Variants in RAI14 observed in about 807,000 individuals in gnomAD.
RAI14 encodes ankycorbin.
In RAI14, 45 loss-of-function variants were observed where a neutral mutation model predicts 115.4. The ratio of observed to expected loss-of-function variants is 0.39; its 90% CI spans 0.31 to 0.50. The LOEUF is 0.50. RAI14 is among the 20% of genes least tolerant of loss of function. The pLI is 0.85. For missense variants in RAI14, 939 were observed against 1,131.2 expected, an observed-to-expected ratio of 0.83 and a Z score of 2.44; for synonymous variants, 371 against 415.4, an observed-to-expected ratio of 0.89 and a Z score of 1.30.
At chr5:34,693,105 AT>A (rs1237523090) in intron 2 of RAI14, among the ~76,000 whole-genome samples, 1 of 152,094 alleles carries the variant, frequency 6.6e-6, no homozygotes, top group Non-Finnish European at 1.5e-5. Flanking sequence ...CTCATACTGG[AT>A]TAGGGCTCGC....
intron 4 of RAI14, among the ~76,000 whole-genome samples, chr5:34,803,022 T>G (rs550981676): frequency 6.6e-6 from 1 of 152,318 alleles, no homozygotes; most frequent in South Asian, 2.1e-4. Flanking sequence ...CTTCACTGGA[T>G]TCCTCAGCCT....
intron 2 of RAI14, among the ~76,000 whole-genome samples, chr5:34,734,226 A>G (rs1361301034): frequency 6.6e-6 from 1 of 152,120 alleles, no homozygotes; most frequent in East Asian, 1.9e-4. Context: ...GTTGGTGGGC[A>G]GGGGGTGGGG....
chr5:34,730,970 G>A (rs1280467621), intron 2 of RAI14, among the ~76,000 whole-genome samples: 1 of 152,158 alleles, frequency 6.6e-6, no homozygotes, highest in Non-Finnish European at 1.5e-5. Context: ...GGCAACAAGA[G>A]TGAAACTCCA....
chr5:34,752,361 C>T (rs1441523151), intron 2 of RAI14, among the ~76,000 whole-genome samples: 1 of 152,078 alleles, frequency 6.6e-6, no homozygotes, highest in African/African-American at 2.4e-5. Context: ...TACTGAGCAC[C>T]ATGGGGGTAA....
rs1430582100 is a variant in RAI14 at position 34,656,484 on chromosome 5, G to A, written c.-49+9G>A. ...GCCGCCGCCTCGATGGGGTGAGTGCGCGGCACGGAGTTGGGAGGCTCCCGG... is the reference window on the plus strand; with the variant it reads ...GCCGCCGCCTCGATGGGGTGAGTGCACGGCACGGAGTTGGGAGGCTCCCGG... On this transcript the variant is annotated intron_variant, in intron 1 of 17. Transcript: ENST00000265109. 6.6e-6 allele frequency: 1 copy of A among 152,174 alleles called. No individual in the cohort carries two copies. Among genetic ancestry groups the A allele is most frequent in the African/African-American group, 2.4e-5 (1 of 41,426 alleles). 9.4% of individuals were successfully genotyped at this position (152,174 alleles called of 1,614,324 possible). A position where few individuals can be genotyped will look rare whatever the true frequency, so the allele number is the denominator to read the frequency against.
intron 2 of RAI14, among the ~76,000 whole-genome samples, chr5:34,692,842 C>T (rs1157091925): frequency 2.0e-5 from 3 of 152,116 alleles, no homozygotes; most frequent in Admixed American, 2.0e-4. Context: ...AACCAGGTGG[C>T]TGAAACTAAA....
intron 2 of RAI14, among the ~76,000 whole-genome samples, chr5:34,700,995 C>G (rs531062281): frequency 1.3e-5 from 2 of 152,186 alleles, no homozygotes; most frequent in Non-Finnish European, 2.9e-5. Flanking sequence ...AGCATTGCAA[C>G]TCCTTACCAG....
intron 2 of RAI14, among the ~76,000 whole-genome samples, chr5:34,732,176 T>G (rs577041401): frequency 6.6e-6 from 1 of 152,274 alleles, no homozygotes; most frequent in South Asian, 2.1e-4. Context: ...CCAAGAGGCC[T>G]GGGCTCCCTG....
rs113530881 is a variant in RAI14 at position 34,754,392 on chromosome 5, A to C, written c.37-3076A>C. 1.5e-3 allele frequency among the ~76,000 whole-genome samples: 224 copies of C among 152,246 alleles called. 1 individual carries two copies. Among genetic ancestry groups the C allele is most frequent in the African/African-American group, 5.0e-3 (208 of 41,568 alleles). On this transcript the variant is annotated intron_variant, in intron 2 of 17. Transcript: ENST00000265109. ...CATGCTTGTGAGAATTTTAAGAGCA[A>C]AACTCTTCTTAAAATTTTTTATTTT...
intron 2 of RAI14, among the ~76,000 whole-genome samples, chr5:34,755,889 C>T (rs1747813818): frequency 1.3e-5 from 2 of 150,500 alleles, no homozygotes; most frequent in African/African-American, 2.4e-5. Context: ...AACTGAGGCA[C>T]AGAAAGATTA....
intron 3 of RAI14, among the ~76,000 whole-genome samples, chr5:34,763,956 G>A (rs1470265767): frequency 2.6e-5 from 4 of 152,072 alleles, no homozygotes; most frequent in African/African-American, 9.7e-5. Context: ...GGTTCAAACT[G>A]TTCTCCTGCC....
intron 1 of RAI14, among the ~76,000 whole-genome samples, chr5:34,658,230 GC>G (rs1227509120): frequency 6.6e-6 from 1 of 152,150 alleles, no homozygotes; most frequent in Non-Finnish European, 1.5e-5. Flanking sequence ...AGGATGCTGA[GC>G]CCCCTAGGGA....
At chr5:34,751,641 T>C (rs567024401) in intron 2 of RAI14, among the ~76,000 whole-genome samples, 1 of 152,364 alleles carries the variant, frequency 6.6e-6, no homozygotes, top group South Asian at 2.1e-4. Context: ...TGTGTTATTC[T>C]GTTGCTTGAC....
At chr5:34,683,256 C>T (rs1221270888) in intron 1 of RAI14, among the ~76,000 whole-genome samples, 1 of 152,172 alleles carries the variant, frequency 6.6e-6, no homozygotes, top group Admixed American at 6.5e-5. Context: ...TGACACTTAT[C>T]TTTATCATTG....
chr5:34,777,812 C>A (rs1167141024), intron 3 of RAI14, among the ~76,000 whole-genome samples: 1 of 151,136 alleles, frequency 6.6e-6, no homozygotes, highest in African/African-American at 2.4e-5. Context: ...AACCTGATCT[C>A]ATGAAGACAG....
At chr5:34,816,686 C>T (rs902055956) in intron 12 of RAI14, among the ~76,000 whole-genome samples, 28 of 152,160 alleles carry the variant, frequency 1.8e-4, no homozygotes, top group African/African-American at 5.8e-4. Context: ...CTTGGATACA[C>T]ATTAATCTGA....
chr5:34,660,919 C>T (rs59504578), intron 1 of RAI14, among the ~76,000 whole-genome samples: 3,068 of 152,156 alleles, frequency 0.02, 101 homozygotes, highest in African/African-American at 0.069. Context: ...GAAAGCACTT[C>T]TCTTAGACGT....
chr5:34,784,671 T>C (rs1325236015), intron 3 of RAI14, among the ~76,000 whole-genome samples: 1 of 152,188 alleles, frequency 6.6e-6, no homozygotes, highest in Non-Finnish European at 1.5e-5. Flanking sequence ...ATAACACCAG[T>C]AGGTGAATGC....
At chr5:34,758,969 G>T (rs1371740374) in intron 3 of RAI14, among the ~76,000 whole-genome samples, 2 of 152,140 alleles carry the variant, frequency 1.3e-5, no homozygotes, top group African/African-American at 4.8e-5. Context: ...CTCCCTCAAA[G>T]GTTGAGTGCC....
Sources: gnomAD v4.1 joint callset for allele counts (sites outside exome capture counted in the v4.1 genomes callset) on GRCh38, gnomAD v4.1.1 for gene constraint, MANE v1.5 for transcripts, NCBI Gene and HGNC (gene_info 2026-07-23, HGNC 2026-07-21) for gene names.